Variants in ANKS1B observed in about 807,000 individuals in gnomAD.
ANKS1B encodes the protein ankyrin repeat and sterile alpha motif domain-containing protein 1B.
A neutral mutation model predicts 148.3 loss-of-function variants in ANKS1B; 36 were observed. The ratio of observed to expected loss-of-function variants is 0.24; its 90% confidence interval spans 0.19 to 0.32. ANKS1B has a LOEUF of 0.32. Among genes scored for constraint, ANKS1B ranks in the 10% least tolerant of loss-of-function variants. The pLI is 1.00. For synonymous variants in ANKS1B, 542 were observed against 560.8 expected (o/e 0.97, Z 0.47); for missense variants, 1,157 against 1,542.6 (o/e 0.75, Z 4.19).
intron 9 of ANKS1B, among the ~76,000 whole-genome samples, chr12:99,651,315 T>C (rs1232956552): frequency 6.6e-6 from 1 of 152,206 alleles, no homozygotes; most frequent in Non-Finnish European, 1.5e-5. Flanking sequence ...AAATCACATC[T>C]AACCATAAAT....
intron 12 of ANKS1B, among the ~76,000 whole-genome samples, chr12:99,333,856 T>TTTTTTTTTTTTTTG (rs2088125606): frequency 7.4e-6 from 1 of 135,320 alleles, no homozygotes; most frequent in Non-Finnish European, 1.5e-5. Context: ...AGTTCTCAGT[T>TTTTTTTTTTTTTTG]TTTTTTTTTT....
At chr12:99,820,572 T>G (rs1350007953) in intron 2 of ANKS1B, among the ~76,000 whole-genome samples, 1 of 152,006 alleles carries the variant, frequency 6.6e-6, no homozygotes, top group African/African-American at 2.4e-5. Flanking sequence ...CTGCTAAGGC[T>G]TGCTTGGGAA....
intron 12 of ANKS1B, among the ~76,000 whole-genome samples, chr12:99,396,690 A>G (rs1157139505): frequency 3.9e-5 from 6 of 152,152 alleles, no homozygotes; most frequent in African/African-American, 1.2e-4. Flanking sequence ...TCAGTTTCAG[A>G]GTGGAGAAAA....
At chr12:99,462,164 A>G (rs1168050723) in intron 10 of ANKS1B, among the ~76,000 whole-genome samples, 1 of 152,214 alleles carries the variant, frequency 6.6e-6, no homozygotes, top group Non-Finnish European at 1.5e-5. Context: ...TTCAGATATA[A>G]AACATTTATT....
chr12:99,397,461 A>G (rs1245286144), intron 12 of ANKS1B, among the ~76,000 whole-genome samples: 1 of 152,152 alleles, frequency 6.6e-6, no homozygotes, highest in East Asian at 1.9e-4. Context: ...ACGACAAGAA[A>G]TAAGTAAAGA....
intron 17 of ANKS1B, among the ~76,000 whole-genome samples, chr12:98,857,323 C>T (rs1410537153): frequency 6.6e-6 from 1 of 152,172 alleles, no homozygotes; most frequent in Non-Finnish European, 1.5e-5. Context: ...GTGAGCAATG[C>T]TTGGAGAATT....
chr12:99,666,284 C>A (rs779833067), intron 8 of ANKS1B, among the ~76,000 whole-genome samples: 2 of 152,158 alleles, frequency 1.3e-5, no homozygotes, highest in South Asian at 2.1e-4. Context: ...ATGTTCTCTG[C>A]CTTTGCATAT....
chr12:98,943,376 A>T (rs1462623853), intron 17 of ANKS1B, among the ~76,000 whole-genome samples: 2 of 152,220 alleles, frequency 1.3e-5, no homozygotes, highest in Non-Finnish European at 2.9e-5. Context: ...AAATTGCTGC[A>T]AACCTAATGG....
Position 99,399,773 on chromosome 12 carries a change from A to T in ANKS1B, c.1614T>A (p.Phe538Leu), listed in dbSNP as rs1471018541. ...ATTCTTGGTTGTGATTCATTCGGTG[A>T]AAATCCAGAGAAGACACAATGGATG... The part of the protein sequence containing the change: ...QRTSIVSSLD[F>L]HRMNHNQEYF... Residue 538 changes from phenylalanine (F) to leucine (L), a missense_variant, in exon 12 of 27, where the codon TTT becomes TTA. This residue lies in a region of ANKS1B where 661 missense variants were observed against 642.1 expected (regional missense o/e 1.03). Coordinates refer to ENST00000683438, the MANE Select transcript of ANKS1B (RefSeq NM_001352186.2). 6.2e-7 allele frequency: 1 copy of T among 1,613,500 alleles called. No individual in the cohort carries two copies. The highest frequency in any genetic ancestry group is 8.5e-7 in the Non-Finnish European group (1 of 1,179,510).
intron 17 of ANKS1B, among the ~76,000 whole-genome samples, chr12:98,956,164 C>A (rs1023981712): frequency 8.5e-5 from 13 of 152,204 alleles, no homozygotes; most frequent in Admixed American, 2.0e-4. Flanking sequence ...CACCACTAGG[C>A]ATGTAAGCTG....
At chr12:99,615,065 T>C (rs997781374) in intron 9 of ANKS1B, among the ~76,000 whole-genome samples, 1 of 152,162 alleles carries the variant, frequency 6.6e-6, no homozygotes, top group African/African-American at 2.4e-5. Context: ...AAATAGTGTT[T>C]ATAAAAACTA....
At chr12:99,867,567 T>G (rs1277202197) in intron 1 of ANKS1B, among the ~76,000 whole-genome samples, 8 of 152,098 alleles carry the variant, frequency 5.3e-5, no homozygotes, top group Non-Finnish European at 1.5e-5. Context: ...GAGTTTCCCC[T>G]TATAAAACCA....
At chr12:99,533,944 A>T (rs1253500337) in intron 9 of ANKS1B, among the ~76,000 whole-genome samples, 1 of 152,244 alleles carries the variant, frequency 6.6e-6, no homozygotes, top group Non-Finnish European at 1.5e-5. Context: ...AATATGGAGA[A>T]AAACTTGAAT....
At chr12:99,635,778 T>A (rs972965161) in intron 9 of ANKS1B, among the ~76,000 whole-genome samples, 2 of 152,156 alleles carry the variant, frequency 1.3e-5, no homozygotes, top group African/African-American at 4.8e-5. Context: ...CAATTTTTTT[T>A]AAAGTTCAGT....
At chr12:99,143,657 C>G (rs1359718392) in intron 15 of ANKS1B, among the ~76,000 whole-genome samples, 1 of 152,132 alleles carries the variant, frequency 6.6e-6, no homozygotes, top group African/African-American at 2.4e-5. Flanking sequence ...GACTGCCACT[C>G]AGAAGGTCTC....
intron 17 of ANKS1B, among the ~76,000 whole-genome samples, chr12:98,977,650 C>T (rs2099899412): frequency 6.6e-6 from 1 of 152,056 alleles, no homozygotes; most frequent in African/African-American, 2.4e-5. Context: ...ACATGGTTGT[C>T]ACAGAACAAA....
chr12:99,363,778 T>C (rs1197743766), intron 12 of ANKS1B, among the ~76,000 whole-genome samples: 1 of 152,106 alleles, frequency 6.6e-6, no homozygotes, highest in Non-Finnish European at 1.5e-5. Context: ...GCAACAAACC[T>C]TTCAGATCAA....
At chr12:99,312,699 A>T (rs1457040654) in intron 12 of ANKS1B, among the ~76,000 whole-genome samples, 4 of 152,192 alleles carry the variant, frequency 2.6e-5, no homozygotes, top group Non-Finnish European at 5.9e-5. Context: ...GTCAAGGGTA[A>T]GGGTATTTAT....
intron 12 of ANKS1B, among the ~76,000 whole-genome samples, chr12:99,364,280 T>C (rs1325705268): frequency 1.3e-5 from 1 of 77,770 alleles, no homozygotes; most frequent in African/African-American, 7.8e-5. Context: ...TATATATATT[T>C]GTTTATTGTA....
Sources: gnomAD v4.1 joint callset for allele counts (sites outside exome capture counted in the v4.1 genomes callset) on GRCh38, gnomAD v4.1.1 for gene constraint, gnomAD v4.1.1 regional missense constraint, MANE v1.5 for transcripts, NCBI Gene and HGNC (gene_info 2026-07-23, HGNC 2026-07-21) for gene names.